SLAIN2: variants seen among roughly 807,000 people sequenced by gnomAD.
SLAIN2 encodes SLAIN family member 2, also known as SLAIN motif-containing protein 2.
Under a neutral mutation model 56.6 loss-of-function variants are expected in SLAIN2, and 31 were observed. The observed-to-expected ratio is 0.55, with a 90% CI of 0.41 to 0.74. The LOEUF (loss-of-function observed/expected upper bound fraction) is 0.74. Ranked by LOEUF, SLAIN2 falls within the 30% of genes least tolerant of loss-of-function variation. The probability of loss-of-function intolerance (pLI) is 0.00; values close to 1 mark genes in which losing one functional copy is unlikely to be tolerated. For missense variants in SLAIN2, 777 were observed against 754.2 expected, an observed-to-expected ratio of 1.03 and a Z score of -0.35; for synonymous variants, 317 against 284.9, an observed-to-expected ratio of 1.11 and a Z score of -1.13.
At chr4:48,375,866 C>G (rs868684399) in intron 2 of SLAIN2, among the ~76,000 whole-genome samples, 14 of 152,192 alleles carry the variant, frequency 9.2e-5, no homozygotes, top group Admixed American at 3.9e-4. Context: ...TTTCCCCATC[C>G]TGTCAAGTTA....
intron 1 of SLAIN2, among the ~76,000 whole-genome samples, chr4:48,366,602 C>G (rs1715526643): frequency 6.6e-6 from 1 of 151,960 alleles, no homozygotes; most frequent in Non-Finnish European, 1.5e-5. Flanking sequence ...TTTTCATGGT[C>G]TTATTTTTTC....
At chr4:48,402,713 C>T (rs1716587599) in intron 6 of SLAIN2, among the ~76,000 whole-genome samples, 1 of 152,192 alleles carries the variant, frequency 6.6e-6, no homozygotes, top group Non-Finnish European at 1.5e-5. Flanking sequence ...GTTCAGAACC[C>T]TACTTCTGTC....
Position 48,393,386 on chromosome 4 carries a change from TTGTG to T in SLAIN2, c.1360+9636_1360+9639del, listed in dbSNP as rs57142552. Among the ~76,000 whole-genome samples the T allele has an allele frequency of 3.6e-3, 491 of 135,432 alleles. 1 individual carries two copies. The highest frequency in any genetic ancestry group is 0.016 in the South Asian group (63 of 3,882). The allele number at this position is 135,432 out of a possible 152,430, so 88.8% of individuals were successfully genotyped here. ...CCACAGACACACCACCATGTCTGGC[TTGTG>T]TGTGTGTGTGTGTGTGTGTGTGTGT... On this transcript the variant is annotated intron_variant, in intron 6 of 7. Transcript: ENST00000264313.
intron 6 of SLAIN2, among the ~76,000 whole-genome samples, chr4:48,387,965 G>C (rs1471618843): frequency 6.6e-6 from 1 of 151,962 alleles, no homozygotes; most frequent in Non-Finnish European, 1.5e-5. Context: ...GTTGCATTTT[G>C]TTTTAAGTAT....
chr4:48,410,279 G>GTT (rs767661540), intron 6 of SLAIN2, among the ~76,000 whole-genome samples: 9 of 136,214 alleles, frequency 6.6e-5, no homozygotes, highest in Admixed American at 2.9e-4. Context: ...TGTTTTTTTA[G>GTT]TTTTTTTTTT....
chr4:48,410,272 T>G (rs565984232), intron 6 of SLAIN2, among the ~76,000 whole-genome samples: 46 of 150,744 alleles, frequency 3.1e-4, no homozygotes, highest in Non-Finnish European at 5.9e-5. Flanking sequence ...TTGTCTCTGT[T>G]TTTTTAGTTT....
At chr4:48,366,901 T>C (rs1379518117) in intron 1 of SLAIN2, among the ~76,000 whole-genome samples, 1 of 152,208 alleles carries the variant, frequency 6.6e-6, no homozygotes, top group Middle Eastern at 3.2e-3. Flanking sequence ...GCTGTGTTCA[T>C]CAGAATTGTG....
chr4:48,356,703 T>C (rs138479197), intron 1 of SLAIN2, among the ~76,000 whole-genome samples: 92 of 152,306 alleles, frequency 6.0e-4, no homozygotes, highest in African/African-American at 2.1e-3. Context: ...ACTAGAAGTT[T>C]GTTTTTTAAA....
intron 1 of SLAIN2, among the ~76,000 whole-genome samples, chr4:48,344,122 TC>T (rs1236029369): frequency 6.6e-6 from 1 of 152,216 alleles, no homozygotes. Context: ...TAAATACTGT[TC>T]CAGGAGTTTC....
intron 6 of SLAIN2, among the ~76,000 whole-genome samples, chr4:48,387,097 G>GAAAT (rs1290296531): frequency 6.6e-6 from 1 of 152,090 alleles, no homozygotes; most frequent in Non-Finnish European, 1.5e-5. Context: ...TCTAAAACTA[G>GAAAT]CTATATCTAT....
At chr4:48,370,763 A>G (rs1269676154) in intron 2 of SLAIN2, among the ~76,000 whole-genome samples, 1 of 152,210 alleles carries the variant, frequency 6.6e-6, no homozygotes, top group Non-Finnish European at 1.5e-5. Flanking sequence ...AAATATTCAG[A>G]TAGTAAAAGA....
At chr4:48,357,629 A>G (rs1327761549) in intron 1 of SLAIN2, among the ~76,000 whole-genome samples, 2 of 152,140 alleles carry the variant, frequency 1.3e-5, no homozygotes. Flanking sequence ...GACTCACCGC[A>G]GCCTCCACTT....
chr4:48,367,536 A>G (rs1285484097), intron 1 of SLAIN2, among the ~76,000 whole-genome samples: 3 of 152,204 alleles, frequency 2.0e-5, no homozygotes, highest in Admixed American at 6.5e-5. Context: ...TAAGGGTAGA[A>G]AATAAGATGG....
chr4:48,399,511 A>G (rs750795151), intron 6 of SLAIN2, among the ~76,000 whole-genome samples: 2 of 152,110 alleles, frequency 1.3e-5, no homozygotes, highest in Non-Finnish European at 2.9e-5. Context: ...CTCTTACCTG[A>G]TTGCCCTGAC....
At chr4:48,364,644 T>G (rs1715457396) in intron 1 of SLAIN2, among the ~76,000 whole-genome samples, 1 of 113,510 alleles carries the variant, frequency 8.8e-6, no homozygotes, top group Non-Finnish European at 2.0e-5. Flanking sequence ...GAGGCCGAGG[T>G]TGGCGGATCA....
chr4:48,366,774 C>T (rs1366212416), intron 1 of SLAIN2, among the ~76,000 whole-genome samples: 4 of 152,176 alleles, frequency 2.6e-5, no homozygotes, highest in Admixed American at 6.5e-5. Flanking sequence ...CCCCATTGGG[C>T]CTCCATGACT....
intron 6 of SLAIN2, among the ~76,000 whole-genome samples, chr4:48,400,017 A>C (rs1485619186): frequency 6.6e-6 from 1 of 152,208 alleles, no homozygotes; most frequent in Non-Finnish European, 1.5e-5. Flanking sequence ...CTGGCCTCAT[A>C]AAATGAGTTA....
At chr4:48,391,843 G>C (rs894693160) in intron 6 of SLAIN2, among the ~76,000 whole-genome samples, 5 of 152,200 alleles carry the variant, frequency 3.3e-5, no homozygotes, top group Admixed American at 1.3e-4. Context: ...TTGGAAAATG[G>C]TGTTTTAACA....
intron 6 of SLAIN2, among the ~76,000 whole-genome samples, chr4:48,397,367 A>T (rs1716427529): frequency 6.6e-6 from 1 of 152,208 alleles, no homozygotes; most frequent in Non-Finnish European, 1.5e-5. Context: ...GCAACTAAGA[A>T]GGAAATACAG....
Sources: allele counts gnomAD v4.1 joint callset (sites outside exome capture counted in the v4.1 genomes callset), GRCh38; gene constraint gnomAD v4.1.1; transcripts MANE v1.5; gene names NCBI Gene and HGNC (gene_info 2026-07-23, HGNC 2026-07-21).